Variants in KCNN2 observed in about 807,000 individuals in gnomAD.
KCNN2 encodes the protein potassium calcium-activated channel subfamily N member 2, also known as small conductance calcium-activated potassium channel protein 2.
Under a neutral mutation model 55.5 loss-of-function variants are expected in KCNN2, and 24 were observed. The observed-to-expected ratio is 0.43, with a 90% confidence interval of 0.31 to 0.61. The LOEUF (loss-of-function observed/expected upper bound fraction) is 0.61, where lower values mean the gene tolerates loss of function less well. KCNN2 is among the 20% of genes least tolerant of loss of function. KCNN2 has a pLI of 0.08. For missense variants in KCNN2, 754 were observed against 853.6 expected, an observed-to-expected ratio of 0.88 and a Z score of 1.45; for synonymous variants, 431 against 336.1, an observed-to-expected ratio of 1.28 and a Z score of -3.09.
At chr5:114,375,952 G>GTATATATATATATGTATATATATA (rs1554084349) in intron 2 of KCNN2, among the ~76,000 whole-genome samples, 8 of 104,718 alleles carry the variant, frequency 7.6e-5, no homozygotes, top group Admixed American at 2.2e-4. Context: ...GACTCACAGT[G>GTATATATATATATGTATATATATA]TATATATATA....
Position 114,493,471 on chromosome 5 carries a change from A to C in KCNN2, c.2087A>C (p.Lys696Thr). 6.2e-7 allele frequency: 1 copy of C among 1,608,286 alleles called. No individual in the cohort carries two copies. The highest frequency in any genetic ancestry group is 8.5e-7 in the Non-Finnish European group (1 of 1,174,792). The change falls in exon 7 of 8, where the codon AAG (lysine) becomes ACG (threonine). Residue 696 changes from lysine to threonine, a missense_variant and splice_region_variant. Lys to Thr is a moderately conservative substitution (Grantham distance 78). Coordinates refer to ENST00000673685, the MANE Select transcript of KCNN2 (RefSeq NM_021614.4). ...GCAAACACTTTGGTGGACTTGGCAAAGGTAAGCCTGAGGTGCTTAGCCCTC... is the reference window on the plus strand; with the variant it reads ...GCAAACACTTTGGTGGACTTGGCAACGGTAAGCCTGAGGTGCTTAGCCCTC... ...DQANTLVDLA[K>T]TQNIMYDMIS...
chr5:114,315,451 GTGTGTGTGTGTGTGTA>G (rs919572200), intron 2 of KCNN2, among the ~76,000 whole-genome samples: 9 of 108,050 alleles, frequency 8.3e-5, no homozygotes, highest in African/African-American at 1.1e-4. Flanking sequence ...GTGTGTGTGT[GTGTGTGTGTGTGTGTA>G]TATATATATA....
intron 3 of KCNN2, among the ~76,000 whole-genome samples, chr5:114,413,472 G>C (rs1759198435): frequency 6.6e-6 from 1 of 152,126 alleles, no homozygotes; most frequent in South Asian, 2.1e-4. Flanking sequence ...ATTTTTAGTA[G>C]AAATGGGGTT....
rs76380077 is a variant in KCNN2, at chr5:114,461,417, A to T, written c.1638-1632A>T. 3.2e-3 allele frequency among the ~76,000 whole-genome samples: 481 copies of T among 152,216 alleles called. 1 individual carries two copies. The highest frequency in any genetic ancestry group is 4.7e-3 in the Non-Finnish European group (319 of 67,996). On this transcript the variant is annotated intron_variant, in intron 3 of 7. Transcript: ENST00000673685. The stretch of plus-strand genomic sequence containing the variant: ...CCACAGAAACTTGCAGGATGCTCCT[A>T]ATCAGGCTGGCTGCCTGTTCACATG...
intron 2 of KCNN2, among the ~76,000 whole-genome samples, chr5:114,320,756 T>C (rs1413194145): frequency 6.6e-6 from 1 of 152,230 alleles, no homozygotes; most frequent in Non-Finnish European, 1.5e-5. Context: ...TTCTTCTCCA[T>C]TCATTCCAGA....
Position 114,126,769 on chromosome 5 carries a change from A to G in KCNN2, c.-271+70269A>G, listed in dbSNP as rs1294914017. Among the ~76,000 whole-genome samples the G allele has an allele frequency of 1.3e-5, 2 of 152,220 alleles. 1 individual carries two copies. Among genetic ancestry groups the G allele is most frequent in the Non-Finnish European group, 2.9e-5 (2 of 68,036 alleles). Reference sequence around the variant, plus strand: ...TCCACAGTCCAAAGTCTCATCTGAGACAAGGCAAGTCCCTTCCACCTATGA... The same window carrying G: ...TCCACAGTCCAAAGTCTCATCTGAGGCAAGGCAAGTCCCTTCCACCTATGA... On this transcript the variant is annotated intron_variant, in intron 1 of 10. Coordinates refer to the KCNN2 transcript ENST00000512097.
chr5:114,271,381 T>A (rs149835881), intron 2 of KCNN2, among the ~76,000 whole-genome samples: 1 of 152,258 alleles, frequency 6.6e-6, no homozygotes, highest in African/African-American at 2.4e-5. Context: ...GCATTTACAA[T>A]CATTTAGCTA....
At chr5:114,056,630 C>G (rs1750215140) in intron 1 of KCNN2, 2 of 390,296 alleles carry the variant, frequency 5.1e-6, no homozygotes, top group Non-Finnish European at 9.0e-6. Flanking sequence ...TTACTTTTCT[C>G]CAGCACCCAC....
chr5:114,230,428 C>T (rs1177859291), intron 2 of KCNN2, among the ~76,000 whole-genome samples: 2 of 133,548 alleles, frequency 1.5e-5, no homozygotes, highest in African/African-American at 2.8e-5. Flanking sequence ...TGCTATCCCT[C>T]CCCGCTCCCC....
chr5:114,491,936 A>C (rs370401737), intron 6 of KCNN2, among the ~76,000 whole-genome samples: 9 of 152,222 alleles, frequency 5.9e-5, no homozygotes, highest in Admixed American at 4.6e-4. Flanking sequence ...ACTGAGAGAA[A>C]TCTTTCTCAA....
At chr5:114,332,494 G>C (rs1284107739) in intron 2 of KCNN2, among the ~76,000 whole-genome samples, 1 of 152,216 alleles carries the variant, frequency 6.6e-6, no homozygotes, top group Non-Finnish European at 1.5e-5. Context: ...CAACAAAGCT[G>C]GGAATAGATT....
rs140261820 is a variant in KCNN2, at chr5:114,155,057, G to A, written c.-270-66423G>A. 1.4e-4 allele frequency among the ~76,000 whole-genome samples: 22 copies of A among 151,968 alleles called. No individual in the cohort carries two copies. The East Asian group carries it at 3.3e-3, about 23-fold the overall frequency. ...TCCTCACACTCTCCACCCTCAAATA[G>A]GCCCCAGTCTGTGTTGTTCCCATCT... On this transcript the variant is annotated intron_variant, in intron 1 of 10. Transcript: ENST00000512097.
intron 2 of KCNN2, among the ~76,000 whole-genome samples, chr5:114,289,712 T>A (rs541264056): frequency 2.8e-4 from 42 of 152,176 alleles, no homozygotes; most frequent in Non-Finnish European, 4.9e-4. Flanking sequence ...AAAGGACTGA[T>A]GAAATTTTGA....
intron 6 of KCNN2, among the ~76,000 whole-genome samples, chr5:114,491,088 G>T (rs1386302859): frequency 1.3e-5 from 2 of 152,080 alleles, no homozygotes; most frequent in Non-Finnish European, 2.9e-5. Flanking sequence ...CAGATTAGTA[G>T]AAAATAAAAT....
chr5:114,227,994 C>CGATGATGAT (rs67331767), intron 2 of KCNN2, among the ~76,000 whole-genome samples: 2 of 151,436 alleles, frequency 1.3e-5, no homozygotes, highest in South Asian at 4.2e-4. Context: ...ATGATGATGA[C>CGATGATGAT]GATGATGATG....
At chr5:114,315,457 GTGTGTGTGTA>G (rs757034424) in intron 2 of KCNN2, among the ~76,000 whole-genome samples, 245 of 94,674 alleles carry the variant, frequency 2.6e-3, no homozygotes, top group Non-Finnish European at 3.7e-3. Flanking sequence ...GTGTGTGTGT[GTGTGTGTGTA>G]TATATATATA....
chr5:114,310,424 A>C (rs1756372413), intron 2 of KCNN2, among the ~76,000 whole-genome samples: 1 of 152,212 alleles, frequency 6.6e-6, no homozygotes, highest in African/African-American at 2.4e-5. Flanking sequence ...ATTGAAAAAA[A>C]TTAAACACAT....
intron 2 of KCNN2, among the ~76,000 whole-genome samples, chr5:114,236,813 T>C (rs1018275481): frequency 1.4e-4 from 21 of 152,204 alleles, no homozygotes; most frequent in African/African-American, 4.8e-4. Context: ...CACATATATA[T>C]ACACATACTT....
intron 1 of KCNN2, among the ~76,000 whole-genome samples, chr5:114,191,540 T>G (rs1441785118): frequency 6.6e-6 from 1 of 152,114 alleles, no homozygotes; most frequent in African/African-American, 2.4e-5. Context: ...AATAAAAAAA[T>G]TATAATTTAA....
Sources: allele counts gnomAD v4.1 joint callset (sites outside exome capture counted in the v4.1 genomes callset), GRCh38; gene constraint gnomAD v4.1.1; transcripts MANE v1.5; gene names NCBI Gene and HGNC (gene_info 2026-07-23, HGNC 2026-07-21).